ZC3H6: variants seen among roughly 807,000 people sequenced by gnomAD.
ZC3H6 encodes the protein zinc finger CCCH-type containing 6.
A neutral mutation model predicts 107.7 loss-of-function variants in ZC3H6; 40 were observed. The observed-to-expected ratio is 0.37, with a 90% CI of 0.29 to 0.48. The LOEUF is 0.48. Among genes scored for constraint, ZC3H6 ranks in the 20% least tolerant of loss-of-function variants. ZC3H6 has a pLI of 0.98. For synonymous variants in ZC3H6, 493 were observed against 487.9 expected (o/e 1.01, Z -0.14); for missense variants, 1,267 against 1,410.4 (o/e 0.90, Z 1.63).
chr2:112,316,926 TTAAG>T (rs1676708653), intron 6 of ZC3H6, among the ~76,000 whole-genome samples: 2 of 152,142 alleles, frequency 1.3e-5, no homozygotes, highest in Admixed American at 1.3e-4. Flanking sequence ...CACCAAGAGG[TTAAG>T]TAAGTTCCCA....
At chr2:112,300,769 T>TG (rs1353365123) in intron 2 of ZC3H6, among the ~76,000 whole-genome samples, 1 of 152,098 alleles carries the variant, frequency 6.6e-6, no homozygotes, top group African/African-American at 2.4e-5. Flanking sequence ...GGGAAAGCTA[T>TG]GAAAAAAACA....
At chr2:112,307,232 C>A (rs970038610) in intron 3 of ZC3H6, among the ~76,000 whole-genome samples, 1 of 152,154 alleles carries the variant, frequency 6.6e-6, no homozygotes, top group African/African-American at 2.4e-5. Context: ...ATAACTTCTA[C>A]AATTACAGGG....
intron 1 of ZC3H6, among the ~76,000 whole-genome samples, chr2:112,294,291 G>A (rs934154318): frequency 7.2e-5 from 11 of 152,182 alleles, no homozygotes; most frequent in South Asian, 2.1e-4. Flanking sequence ...AGAAACGACC[G>A]TGTGAATTAG....
intron 1 of ZC3H6, among the ~76,000 whole-genome samples, chr2:112,285,163 A>G (rs1303864837): frequency 5.9e-5 from 9 of 152,106 alleles, no homozygotes; most frequent in Admixed American, 5.2e-4. Context: ...TTATTTGCCT[A>G]TTTGAAAATT....
Position 112,320,349 on chromosome 2 carries a change from C to T in ZC3H6, c.977-1407C>T, listed in dbSNP as rs188062550. On this transcript the variant is annotated intron_variant, in intron 7 of 11. Transcript: ENST00000409871. ...TTAATACACAGTGTGTTAATAAGGA[C>T]CTTTATTCAGATGATTAACTCATTG... Among the ~76,000 whole-genome samples the T allele has an allele frequency of 2.0e-4, 31 of 152,162 alleles. No homozygotes were observed. In the East Asian group the frequency reaches 5.6e-3, roughly 27 times the overall value.
chr2:112,280,744 A>G (rs1370287656), intron 1 of ZC3H6, among the ~76,000 whole-genome samples: 1 of 152,208 alleles, frequency 6.6e-6, no homozygotes, highest in Non-Finnish European at 1.5e-5. Flanking sequence ...CACGAAAAGC[A>G]TGGATAAATG....
At chr2:112,310,199 A>G (rs1454607276) in intron 4 of ZC3H6, 38 bp downstream of exon 4, 6 of 1,576,516 alleles carry the variant, frequency 3.8e-6, no homozygotes, top group South Asian at 1.2e-5. Context: ...GAATGTGAGA[A>G]CCTTATTAAA....
intron 1 of ZC3H6, among the ~76,000 whole-genome samples, chr2:112,290,964 AGAG>A: frequency 8.8e-6 from 1 of 113,496 alleles, no homozygotes; most frequent in Non-Finnish European, 1.8e-5. Context: ...ATCAGGACCC[AGAG>A]GAGAAATTTC....
At chr2:112,326,371 C>G (rs1343441880) in intron 11 of ZC3H6, among the ~76,000 whole-genome samples, 1 of 152,146 alleles carries the variant, frequency 6.6e-6, no homozygotes, top group Admixed American at 6.5e-5. Context: ...GCCAGCTACC[C>G]TTCCCAGTCT....
chr2:112,325,499 C>T (rs944404130), intron 11 of ZC3H6, among the ~76,000 whole-genome samples: 21 of 152,014 alleles, frequency 1.4e-4, no homozygotes, highest in Admixed American at 1.3e-3. Context: ...TGAGCTCTGT[C>T]TTCTATTTCC....
chr2:112,307,926 T>A (rs1301382855), intron 3 of ZC3H6, among the ~76,000 whole-genome samples: 1 of 152,228 alleles, frequency 6.6e-6, no homozygotes, highest in Non-Finnish European at 1.5e-5. Flanking sequence ...GAGAAGCATC[T>A]AATCTCCAGA....
chr2:112,325,306 C>G, intron 11 of ZC3H6, 109 bp downstream of exon 11: 1 of 1,000,766 alleles, frequency 1.0e-6, no homozygotes. Flanking sequence ...CCAACCTGGC[C>G]AACATGGTGA....
chr2:112,292,403 G>A (rs1025244372), intron 1 of ZC3H6, among the ~76,000 whole-genome samples: 2 of 152,196 alleles, frequency 1.3e-5, no homozygotes, highest in African/African-American at 4.8e-5. Context: ...TGTGCCATCA[G>A]TGAAATAACA....
chr2:112,275,752 G>C lies in ZC3H6; in HGVS notation c.-243G>C. 1 of 430,794 alleles carries C rather than the reference G, an allele frequency of 2.3e-6. No homozygotes were observed. The highest frequency in any genetic ancestry group is 4.1e-6 in the Non-Finnish European group (1 of 242,802). 26.7% of individuals were successfully genotyped at this position (430,794 alleles called of 1,614,324 possible). A position where few individuals can be genotyped will look rare whatever the true frequency, so the allele number is the denominator to read the frequency against. On this transcript the variant is annotated 5_prime_UTR_variant, in exon 1 of 12. Coordinates refer to ENST00000409871, the MANE Select transcript of ZC3H6 (RefSeq NM_198581.3). ...GAATAGAGACTAGAGCGGCAGCGCC[G>C]GCAGCGCGGGGCCGTTGCCCAGTGT...
chr2:112,307,728 C>G (rs903024456), intron 3 of ZC3H6, among the ~76,000 whole-genome samples: 1 of 152,032 alleles, frequency 6.6e-6, no homozygotes, highest in Non-Finnish European at 1.5e-5. Flanking sequence ...TCTTTAACCA[C>G]AAAAGGAGCC....
At chr2:112,311,620 T>C (rs1352959827) in intron 4 of ZC3H6, among the ~76,000 whole-genome samples, 184 bp from the exon 5 acceptor site, 1 of 152,170 alleles carries the variant, frequency 6.6e-6, no homozygotes, top group East Asian at 1.9e-4. Flanking sequence ...GTTGTTAACA[T>C]CCCTTAAGAA....
rs79245040 is a variant in ZC3H6 at position 112,310,045 on chromosome 2, A to G, written c.497A>G (p.Asp166Gly). 0.019 allele frequency: 31,037 copies of G among 1,613,598 alleles called. 337 individuals carry two copies. The highest frequency in any genetic ancestry group is 0.022 in the Non-Finnish European group (26,107 of 1,179,710). ...AACTACGGTCAGGAAACAGAGGAAG[A>G]TTTTGCCAATCAGCTGAAACAATAC... ...FGNYGQETEE[D>G]FANQLKQYRQ... The change falls in exon 4 of 12, where the codon GAT (aspartate) becomes GGT (glycine). Residue 166 changes from aspartate (D) to glycine (G), a missense_variant. Asp to Gly is a moderately conservative substitution (Grantham distance 94). Around this residue, in one of 3 missense-constraint regions of ZC3H6, gnomAD observed 337 missense variants for 361.2 expected, o/e 0.93. Transcript: ENST00000409871.
intron 9 of ZC3H6, among the ~76,000 whole-genome samples, chr2:112,323,451 A>G (rs1331283453): frequency 1.3e-5 from 2 of 152,338 alleles, no homozygotes; most frequent in Middle Eastern, 3.4e-3. Flanking sequence ...CAAGAAATCT[A>G]TAGCAAATAT....
intron 1 of ZC3H6, among the ~76,000 whole-genome samples, chr2:112,291,664 G>A (rs938182128): frequency 4.6e-5 from 7 of 152,174 alleles, no homozygotes; most frequent in African/African-American, 1.7e-4. Flanking sequence ...CAGAAAGTGG[G>A]AGAGATAGAT....
Sources: gnomAD v4.1 joint callset for allele counts (sites outside exome capture counted in the v4.1 genomes callset) on GRCh38, gnomAD v4.1.1 for gene constraint, gnomAD v4.1.1 regional missense constraint, MANE v1.5 for transcripts, NCBI Gene and HGNC (gene_info 2026-07-23, HGNC 2026-07-21) for gene names.